The following ARL15 variants were observed in gnomAD, a reference collection of about 807,000 sequenced individuals.
The protein encoded by ARL15 is ARF like GTPase 15.
A neutral mutation model predicts 25.2 loss-of-function variants in ARL15; 19 were observed. The observed-to-expected ratio is 0.75, with a 90% CI of 0.53 to 1.10. The LOEUF (loss-of-function observed/expected upper bound fraction) is 1.10. Ranked by LOEUF, ARL15 falls within the 50% of genes least tolerant of loss-of-function variation. The pLI is 0.00. For missense variants in ARL15, 220 were observed against 246.0 expected (o/e 0.89, Z 0.71); for synonymous variants, 94 against 86.8 (o/e 1.08, Z -0.46).
chr5:54,242,368 G>T (rs1011068901), intron 1 of ARL15, among the ~76,000 whole-genome samples: 1 of 151,996 alleles, frequency 6.6e-6, no homozygotes, highest in African/African-American at 2.4e-5. Context: ...TGGTCCTAGG[G>T]GACCACTTAC....
At chr5:54,159,292 C>G (rs892820718) in intron 2 of ARL15, among the ~76,000 whole-genome samples, 1 of 152,130 alleles carries the variant, frequency 6.6e-6, no homozygotes, top group Non-Finnish European at 1.5e-5. Flanking sequence ...AAGTGTTCAA[C>G]TGACTCATCC....
At chr5:54,253,665 C>T (rs929846988) in intron 1 of ARL15, among the ~76,000 whole-genome samples, 1 of 151,934 alleles carries the variant, frequency 6.6e-6, no homozygotes, top group African/African-American at 2.4e-5. Flanking sequence ...GATCACAGAT[C>T]CCTGCAGCAT....
In ARL15 at chr5:54,055,436, C is replaced by T. The variant is rs10052380; in HGVS notation, c.462+57766G>A. ...AGTGCTGTGGCGTGATCTTGGCTCA[C>T]TGCAACCTCCATCTCCCGGGTTCAA... On this transcript the variant is annotated intron_variant, in intron 4 of 4. Coordinates refer to ENST00000504924, the MANE Select transcript of ARL15 (RefSeq NM_019087.3). Among the ~76,000 whole-genome samples, 835 of 135,258 alleles carry T rather than the reference C, an allele frequency of 6.2e-3. 4 individuals carry two copies. Among genetic ancestry groups the T allele is most frequent in the African/African-American group, 0.022 (789 of 36,162 alleles). 88.7% of individuals were successfully genotyped at this position (135,258 alleles called of 152,430 possible). A position where few individuals can be genotyped will look rare whatever the true frequency, so the allele number is the denominator to read the frequency against.
chr5:53,886,589 T>C lies in ARL15; in HGVS notation c.587A>G (p.Glu196Gly), dbSNP rs931168321. The C allele has an allele frequency of 6.4e-7, 1 of 1,562,300 alleles. No individual in the cohort carries two copies. Among genetic ancestry groups the C allele is most frequent in the African/African-American group, 1.4e-5 (1 of 73,882 alleles). ...SFSQLINLLE[E>G]KDHEAVRM is the part of the protein sequence containing the mutation. ...CATTCTTACAGCTTCATGGTCTTTTTCTTCTAACAAATTAATCAGCTGAGA... is the reference window on the plus strand; with the variant it reads ...CATTCTTACAGCTTCATGGTCTTTTCCTTCTAACAAATTAATCAGCTGAGA... The change falls in exon 5 of 5, where the codon GAA (glutamate) becomes GGA (glycine). Residue 196 changes from glutamate to glycine, a missense_variant. Physicochemically the swap from Glu to Gly is moderately conservative, Grantham distance 98. Transcript: ENST00000504924.
At chr5:54,077,141 C>T (rs1722250754) in intron 4 of ARL15, among the ~76,000 whole-genome samples, 2 of 152,124 alleles carry the variant, frequency 1.3e-5, no homozygotes, top group Admixed American at 1.3e-4. Flanking sequence ...TTCATTTACT[C>T]AAGTTCTTCA....
intron 2 of ARL15, among the ~76,000 whole-genome samples, chr5:54,168,399 CTT>C (rs10611567): frequency 0.43 from 63,534 of 148,588 alleles, 13,837 homozygotes; most frequent in East Asian, 0.83. Context: ...ATTCTCCCTA[CTT>C]TTTTTTTTTT....
intron 1 of ARL15, among the ~76,000 whole-genome samples, chr5:54,308,173 G>C (rs767747308): frequency 6.6e-6 from 1 of 152,156 alleles, no homozygotes; most frequent in Non-Finnish European, 1.5e-5. Flanking sequence ...AGGCTACCTC[G>C]GGAGGGCTAG....
At chr5:54,299,906 A>G (rs1190049886) in intron 1 of ARL15, among the ~76,000 whole-genome samples, 1 of 152,120 alleles carries the variant, frequency 6.6e-6, no homozygotes, top group Non-Finnish European at 1.5e-5. Flanking sequence ...AGTTTTAACT[A>G]CATCTCCAAA....
chr5:54,073,015 C>A (rs1450910204), intron 4 of ARL15, among the ~76,000 whole-genome samples: 1 of 152,032 alleles, frequency 6.6e-6, no homozygotes, highest in Non-Finnish European at 1.5e-5. Flanking sequence ...AGGTTTAAAG[C>A]CAAATTGGTT....
At chr5:54,136,976 A>G (rs1753624405) in intron 3 of ARL15, among the ~76,000 whole-genome samples, 1 of 151,650 alleles carries the variant, frequency 6.6e-6, no homozygotes, top group African/African-American at 2.4e-5. Context: ...AGCTCCAAAC[A>G]TTCTCCTTCC....
At chr5:53,955,651 A>G (rs891561445) in intron 4 of ARL15, among the ~76,000 whole-genome samples, 1 of 152,224 alleles carries the variant, frequency 6.6e-6, no homozygotes, top group African/African-American at 2.4e-5. Context: ...GCAATGCCGA[A>G]TCAAGAGTAA....
At chr5:53,911,102 T>TA (rs1018456176) in intron 4 of ARL15, among the ~76,000 whole-genome samples, 17 of 152,188 alleles carry the variant, frequency 1.1e-4, no homozygotes, top group African/African-American at 3.9e-4. Flanking sequence ...AAGCCACCAA[T>TA]ATTCGATCAT....
intron 4 of ARL15, among the ~76,000 whole-genome samples, chr5:53,942,218 A>G (rs1428579107): frequency 6.6e-6 from 1 of 151,958 alleles, no homozygotes; most frequent in Non-Finnish European, 1.5e-5. Context: ...GTGGGTGGGG[A>G]AGAGAGGGAA....
chr5:54,135,311 C>T (rs1018606229), intron 3 of ARL15, among the ~76,000 whole-genome samples: 10 of 152,194 alleles, frequency 6.6e-5, no homozygotes, highest in African/African-American at 1.9e-4. Flanking sequence ...ATGAATATCA[C>T]TGGTCAGACC....
chr5:53,960,459 T>A (rs1270094716), intron 4 of ARL15, among the ~76,000 whole-genome samples: 1 of 152,202 alleles, frequency 6.6e-6, no homozygotes, highest in Non-Finnish European at 1.5e-5. Flanking sequence ...TCCTGAGCTC[T>A]AACTTAATCT....
intron 4 of ARL15, among the ~76,000 whole-genome samples, chr5:54,029,200 G>C (rs1278927568): frequency 1.3e-5 from 2 of 152,122 alleles, no homozygotes; most frequent in South Asian, 4.2e-4. Flanking sequence ...ATGTAAAATG[G>C]GGATGATTAC....
At chr5:53,940,272 A>C (rs1003878394) in intron 4 of ARL15, among the ~76,000 whole-genome samples, 3 of 152,102 alleles carry the variant, frequency 2.0e-5, no homozygotes, top group Non-Finnish European at 1.5e-5. Context: ...CGCGCCCGGC[A>C]GTCCTGAAGT....
intron 4 of ARL15, among the ~76,000 whole-genome samples, chr5:53,957,872 T>C (rs1747214781): frequency 6.6e-6 from 1 of 151,898 alleles, no homozygotes; most frequent in South Asian, 2.1e-4. Flanking sequence ...AGCTAGTATA[T>C]ATTTTAAATT....
intron 4 of ARL15, among the ~76,000 whole-genome samples, chr5:53,936,346 A>G (rs994725900): frequency 6.6e-6 from 1 of 152,226 alleles, no homozygotes; most frequent in Non-Finnish European, 1.5e-5. Flanking sequence ...CCTTAGAGAC[A>G]GTTTAAACAA....
Sources: gnomAD v4.1 joint callset for allele counts (sites outside exome capture counted in the v4.1 genomes callset) on GRCh38, gnomAD v4.1.1 for gene constraint, MANE v1.5 for transcripts, NCBI Gene and HGNC (gene_info 2026-07-23, HGNC 2026-07-21) for gene names.